Variants in ZRANB3 observed in about 807,000 individuals in gnomAD.
ZRANB3 encodes DNA annealing helicase and endonuclease ZRANB3.
Under a neutral mutation model 133.8 loss-of-function variants are expected in ZRANB3, and 125 were observed. That is an observed-to-expected ratio of 0.93 (90% confidence interval 0.81 to 1.08). The LOEUF is 1.08. ZRANB3 is among the 50% of genes least tolerant of loss of function. The pLI is 0.00. For synonymous variants in ZRANB3, 387 were observed against 432.7 expected, an observed-to-expected ratio of 0.89 and a Z score of 1.31; for missense variants, 1,229 against 1,275.5, an observed-to-expected ratio of 0.96 and a Z score of 0.56.
chr2:135,326,592 C>T (rs1413463678), intron 6 of ZRANB3, among the ~76,000 whole-genome samples: 2 of 151,680 alleles, frequency 1.3e-5, no homozygotes, highest in East Asian at 3.9e-4. Flanking sequence ...GTATTAAGTC[C>T]CGCATAATTA....
chr2:135,410,166 C>A (rs1437831520), intron 2 of ZRANB3, among the ~76,000 whole-genome samples: 1 of 151,988 alleles, frequency 6.6e-6, no homozygotes, highest in East Asian at 1.9e-4. Context: ...AAAAAAGAGC[C>A]CCAATAGCCA....
At chr2:135,402,195 GA>G (rs1398289727) in intron 2 of ZRANB3, among the ~76,000 whole-genome samples, 1 of 151,840 alleles carries the variant, frequency 6.6e-6, no homozygotes, top group Admixed American at 6.6e-5. Context: ...CACATACGAG[GA>G]CTGCTCTAGA....
chr2:135,242,791 T>C (rs1400541099), intron 12 of ZRANB3, among the ~76,000 whole-genome samples: 1 of 152,168 alleles, frequency 6.6e-6, no homozygotes, highest in Non-Finnish European at 1.5e-5. Flanking sequence ...TTTCTTTCCT[T>C]ATTTAATTAT....
intron 2 of ZRANB3, among the ~76,000 whole-genome samples, chr2:135,472,068 T>C (rs1278351799): frequency 6.6e-6 from 1 of 152,198 alleles, no homozygotes; most frequent in Non-Finnish European, 1.5e-5. Context: ...GAGAGGCTCA[T>C]GGCATTATAA....
At chr2:135,397,279 C>G (rs1687535142) in intron 2 of ZRANB3, among the ~76,000 whole-genome samples, 1 of 151,750 alleles carries the variant, frequency 6.6e-6, no homozygotes, top group Admixed American at 6.6e-5. Flanking sequence ...CTCCTCTCCA[C>G]TAAAACTAAA....
intron 12 of ZRANB3, among the ~76,000 whole-genome samples, chr2:135,258,904 GA>G (rs1679797295): frequency 6.6e-6 from 1 of 152,082 alleles, no homozygotes; most frequent in Non-Finnish European, 1.5e-5. Flanking sequence ...CAATATGCAG[GA>G]AAAAAAGTTT....
chr2:135,467,646 C>T (rs184035562), intron 2 of ZRANB3, among the ~76,000 whole-genome samples: 1 of 152,272 alleles, frequency 6.6e-6, no homozygotes, highest in East Asian at 1.9e-4. Flanking sequence ...TTTTTATCAG[C>T]ATTTATACAT....
Position 135,430,641 on chromosome 2 carries a change from A to G in ZRANB3, c.162-39821T>C, listed in dbSNP as rs565072076. On this transcript the variant is annotated intron_variant, in intron 2 of 20. Transcript: ENST00000264159. ...CAGCTCTAAGTAGAGTTTTCTCAAT[A>G]TAAGACTAATCGAATTTCAATACTT... Among the ~76,000 whole-genome samples, 5 of 152,322 alleles carry G rather than the reference A, an allele frequency of 3.3e-5. No individual in the cohort carries two copies. The South Asian group carries it at 6.2e-4, about 19-fold the overall frequency.
At chr2:135,530,947 G>A (rs1417703853) in intron 1 of ZRANB3, among the ~76,000 whole-genome samples, 180 bp downstream of exon 1, 1 of 152,116 alleles carries the variant, frequency 6.6e-6, no homozygotes, top group Non-Finnish European at 1.5e-5. Context: ...CAATCACCCC[G>A]CCCTCCGCCA....
intron 8 of ZRANB3, among the ~76,000 whole-genome samples, chr2:135,297,209 C>A (rs1010680622): frequency 6.6e-6 from 1 of 152,150 alleles, no homozygotes; most frequent in African/African-American, 2.4e-5. Flanking sequence ...CCTCCTTGAG[C>A]TGTGGTGGGC....
intron 15 of ZRANB3, among the ~76,000 whole-genome samples, chr2:135,219,738 T>G (rs763127395): frequency 6.6e-6 from 1 of 152,168 alleles, no homozygotes; most frequent in South Asian, 2.1e-4. Context: ...CTAGAGAAAT[T>G]ACTTAAAAAT....
chr2:135,508,553 CATT>C (rs1438269488), intron 1 of ZRANB3, among the ~76,000 whole-genome samples: 4 of 151,980 alleles, frequency 2.6e-5, no homozygotes, highest in South Asian at 4.2e-4. Context: ...AAATCTAAAA[CATT>C]ATGAAAATGT....
rs1162485397 is a variant in ZRANB3, at chr2:135,197,287, T to C, written c.*3055A>G. 1 of 152,208 alleles carries C rather than the reference T, an allele frequency of 6.6e-6. No homozygotes were observed. Among genetic ancestry groups the C allele is most frequent in the Non-Finnish European group, 1.5e-5 (1 of 68,030 alleles). 9.4% of individuals were successfully genotyped at this position (152,208 alleles called of 1,614,324 possible). A position where few individuals can be genotyped will look rare whatever the true frequency, so the allele number is the denominator to read the frequency against. On this transcript the variant is annotated 3_prime_UTR_variant, in exon 21 of 21. Coordinates refer to ENST00000264159, the MANE Select transcript of ZRANB3 (RefSeq NM_032143.4). ...TATCCTATGAGTAAACACAACCTAT[T>C]TACTGTAAAGAGCTCAAGAGCATTG... is the stretch of plus-strand genomic sequence containing the variant.
chr2:135,263,898 C>T (rs1261135228), intron 12 of ZRANB3, among the ~76,000 whole-genome samples: 1 of 151,440 alleles, frequency 6.6e-6, no homozygotes, highest in Non-Finnish European at 1.5e-5. Context: ...GCCTCAGCCT[C>T]CCAAGTAGCT....
At position 135,225,407 on chromosome 2, in the gene ZRANB3, T is replaced by C. The variant is rs577357758; in HGVS notation, c.2159-890A>G. Among the ~76,000 whole-genome samples the C allele has an allele frequency of 2.0e-3, 303 of 152,328 alleles. 1 individual carries two copies. The highest frequency in any genetic ancestry group is 7.0e-3 in the African/African-American group (290 of 41,586). On this transcript the variant is annotated intron_variant, in intron 14 of 20. Transcript: ENST00000264159. ...TACTATTATTTTTCTAATCAAGGCA[T>C]TGCCCACTTTACAAACTTGATTTAT... is the stretch of plus-strand genomic sequence containing the variant.
At chr2:135,374,889 G>A (rs1034581139) in intron 3 of ZRANB3, among the ~76,000 whole-genome samples, 2 of 152,092 alleles carry the variant, frequency 1.3e-5, no homozygotes, top group Non-Finnish European at 2.9e-5. Context: ...TTAAACATGG[G>A]TATAAGATCT....
At chr2:135,328,202 C>G (rs1378284729) in intron 6 of ZRANB3, among the ~76,000 whole-genome samples, 7 of 151,964 alleles carry the variant, frequency 4.6e-5, no homozygotes, top group Non-Finnish European at 1.0e-4. Context: ...TCTCCTAATG[C>G]TATCCCTCCC....
intron 2 of ZRANB3, among the ~76,000 whole-genome samples, chr2:135,458,871 T>A (rs1018664153): frequency 1.3e-5 from 2 of 152,122 alleles, no homozygotes; most frequent in African/African-American, 4.8e-5. Flanking sequence ...AATCAAATAT[T>A]CCCAAATTAT....
chr2:135,428,808 G>T (rs1161452426), intron 2 of ZRANB3, among the ~76,000 whole-genome samples: 2 of 152,160 alleles, frequency 1.3e-5, no homozygotes, highest in African/African-American at 2.4e-5. Context: ...AATTATTAAA[G>T]AAATGAATAT....
Sources: gnomAD v4.1 joint callset for allele counts (sites outside exome capture counted in the v4.1 genomes callset) on GRCh38, gnomAD v4.1.1 for gene constraint, MANE v1.5 for transcripts, NCBI Gene and HGNC (gene_info 2026-07-23, HGNC 2026-07-21) for gene names.